SLC6A15: variants seen among roughly 807,000 people sequenced by gnomAD.
The protein encoded by SLC6A15 is sodium-dependent neutral amino acid transporter B(0)AT2.
A neutral mutation model predicts 68.5 loss-of-function variants in SLC6A15; 33 were observed. The observed-to-expected ratio is 0.48, with a 90% confidence interval of 0.37 to 0.64. SLC6A15 has a LOEUF of 0.64. Among genes scored for constraint, SLC6A15 ranks in the 30% least tolerant of loss-of-function variants. The probability of loss-of-function intolerance (pLI) is 0.00; values close to 1 mark genes in which losing one functional copy is unlikely to be tolerated. For missense variants in SLC6A15, 747 were observed against 874.3 expected, an observed-to-expected ratio of 0.85 and a Z score of 1.84; for synonymous variants, 347 against 301.0, an observed-to-expected ratio of 1.15 and a Z score of -1.58.
intron 5 of SLC6A15, chr12:84,883,372 T>C: frequency 1.0e-6 from 1 of 1,003,872 alleles, no homozygotes; most frequent in Non-Finnish European, 1.2e-6. Context: ...TACTTAATGA[T>C]GTTCAGAGCT....
In SLC6A15 at chr12:84,860,251, T is replaced by C. The variant is rs551087999; in HGVS notation, c.*1381A>G. 6.6e-6 allele frequency: 1 copy of C among 152,092 alleles called. No homozygotes were observed. The highest frequency in any genetic ancestry group is 2.1e-4 in the South Asian group (1 of 4,830). 9.4% of individuals were successfully genotyped at this position (152,092 alleles called of 1,614,324 possible). ...TCCATCATTGTTTTAAAAATGTAAC[T>C]GATCTGGTGGTAGGATAAATGAAAG... On this transcript the variant is annotated 3_prime_UTR_variant, in exon 12 of 12. Coordinates refer to ENST00000266682, the MANE Select transcript of SLC6A15 (RefSeq NM_182767.6).
At chr12:84,863,651 C>T (rs1870945898) in intron 10 of SLC6A15, 50 bp from the exon 11 acceptor site, 3 of 1,342,328 alleles carry the variant, frequency 2.2e-6, no homozygotes, top group South Asian at 1.8e-5. Context: ...TATTGCTAAA[C>T]CTTAAAAAAT....
intron 5 of SLC6A15, among the ~76,000 whole-genome samples, chr12:84,878,920 G>A (rs1260640666): frequency 6.6e-6 from 1 of 151,822 alleles, no homozygotes; most frequent in African/African-American, 2.4e-5. Context: ...GATTCTGTTA[G>A]CTTTCCTCTG....
chr12:84,877,648 T>C (rs1263414115), intron 5 of SLC6A15, among the ~76,000 whole-genome samples: 1 of 152,120 alleles, frequency 6.6e-6, no homozygotes, highest in African/African-American at 2.4e-5. Context: ...TTGCTCCTCC[T>C]TACTATTTTA....
Position 84,883,151 on chromosome 12 carries a change from GAAAA to G in SLC6A15, c.756+704_756+707del, listed in dbSNP as rs60034973. ...GCTTTAGAACAATGGCTGTGATAAT[GAAAA>G]AAAAAAAAAAAAAGTAATACGAAAG... is the stretch of plus-strand genomic sequence containing the variant. On this transcript the variant is annotated intron_variant, in intron 5 of 11. Coordinates refer to ENST00000266682, the MANE Select transcript of SLC6A15 (RefSeq NM_182767.6). The G allele has an allele frequency of 9.7e-3, 8,591 of 885,724 alleles. 357 individuals carry two copies. In the African/African-American group the frequency reaches 0.14, roughly 15 times the overall value. The allele number at this position is 885,724 out of a possible 1,614,324, so 54.9% of individuals were successfully genotyped here. A position where few individuals can be genotyped will look rare whatever the true frequency, so the allele number is the denominator to read the frequency against.
chr12:84,880,791 G>T, intron 5 of SLC6A15: 1 of 521,600 alleles, frequency 1.9e-6, no homozygotes, highest in Non-Finnish European at 2.5e-6. Flanking sequence ...TCAAAAGATT[G>T]TATAAAACAT....
chr12:84,868,317 T>G (rs911335553), intron 9 of SLC6A15, among the ~76,000 whole-genome samples: 10 of 152,344 alleles, frequency 6.6e-5, no homozygotes, highest in African/African-American at 2.2e-4. Flanking sequence ...TATTGCATTC[T>G]CTTACTTAAT....
chr12:84,890,144 T>C (rs1872321636), intron 2 of SLC6A15, among the ~76,000 whole-genome samples: 1 of 152,188 alleles, frequency 6.6e-6, no homozygotes, highest in African/African-American at 2.4e-5. Flanking sequence ...AATCGGTTGG[T>C]ATTTTATAAT....
At chr12:84,891,759 C>A (rs1872406353) in intron 2 of SLC6A15, 73 bp downstream of exon 2, 2 of 1,378,464 alleles carry the variant, frequency 1.5e-6, no homozygotes, top group South Asian at 1.4e-5. Flanking sequence ...TGAGAAACAG[C>A]AATAATAGGA....
At chr12:84,908,229 A>T (rs1391252447) in intron 1 of SLC6A15, among the ~76,000 whole-genome samples, 1 of 152,110 alleles carries the variant, frequency 6.6e-6, no homozygotes, top group Admixed American at 6.5e-5. Flanking sequence ...TTTCTTACCA[A>T]CTACATGGGA....
At chr12:84,905,152 C>T (rs892494821) in intron 1 of SLC6A15, among the ~76,000 whole-genome samples, 10 of 151,998 alleles carry the variant, frequency 6.6e-5, no homozygotes, top group African/African-American at 2.2e-4. Flanking sequence ...TGAATATAGA[C>T]ACAAAATTCC....
At chr12:84,877,030 C>G (rs765722082) in intron 5 of SLC6A15, among the ~76,000 whole-genome samples, 1 of 152,142 alleles carries the variant, frequency 6.6e-6, no homozygotes, top group African/African-American at 2.4e-5. Flanking sequence ...TTCTGTAAAG[C>G]TTTCAATGCA....
intron 2 of SLC6A15, among the ~76,000 whole-genome samples, chr12:84,887,548 T>G (rs1231112280): frequency 2.0e-5 from 3 of 152,226 alleles, no homozygotes; most frequent in Non-Finnish European, 4.4e-5. Context: ...ATGTAAAAAT[T>G]GGATGCATGA....
intron 4 of SLC6A15, among the ~76,000 whole-genome samples, chr12:84,885,197 C>T (rs960718109): frequency 6.6e-6 from 1 of 152,068 alleles, no homozygotes; most frequent in Non-Finnish European, 1.5e-5. Flanking sequence ...GCTTATAATA[C>T]TTTACCCTAA....
chr12:84,867,232 C>A, intron 9 of SLC6A15, 39 bp from the exon 10 acceptor site: 1 of 1,508,942 alleles, frequency 6.6e-7, no homozygotes, highest in South Asian at 1.3e-5. Flanking sequence ...AGACTCTATT[C>A]AGAGACAAGG....
intron 1 of SLC6A15, among the ~76,000 whole-genome samples, chr12:84,908,161 T>G (rs2120745721): frequency 6.6e-6 from 1 of 152,246 alleles, no homozygotes; most frequent in Non-Finnish European, 1.5e-5. Flanking sequence ...ATATAGTTAT[T>G]ACAAAATGTT....
At chr12:84,897,726 C>A (rs776932272) in intron 1 of SLC6A15, among the ~76,000 whole-genome samples, 6 of 151,976 alleles carry the variant, frequency 3.9e-5, no homozygotes, top group African/African-American at 2.4e-5. Context: ...AAGCCACAGG[C>A]AAATATTCCT....
rs1871372969 is a variant in SLC6A15, at chr12:84,873,332, T to C, written c.868-4A>G. ...TGGGCTCCAGCATTATTTCAAGCTG[T>C]TTAAAAATAAACATAATAGAATCAG... On this transcript the variant is annotated splice_region_variant and splice_polypyrimidine_tract_variant and intron_variant, in intron 6 of 11. Coordinates refer to ENST00000266682, the MANE Select transcript of SLC6A15 (RefSeq NM_182767.6). 1.9e-6 allele frequency: 3 copies of C among 1,611,506 alleles called. No homozygotes were observed. The highest frequency in any genetic ancestry group is 2.5e-6 in the Non-Finnish European group (3 of 1,179,192).
In SLC6A15 at chr12:84,886,045, T is replaced by C. The variant is rs1355902740; in HGVS notation, c.313A>G (p.Ile105Val). 6.3e-7 allele frequency: 1 copy of C among 1,599,122 alleles called. No individual in the cohort carries two copies. Among genetic ancestry groups the C allele is most frequent in the Admixed American group, 1.7e-5 (1 of 58,752 alleles). The change falls in exon 3 of 12, where the codon ATA becomes GTA. Residue 105 changes from isoleucine (I) to valine (V), a missense_variant. Physicochemically the swap from Ile to Val is conservative, Grantham distance 29 (BLOSUM62 3). Transcript: ENST00000266682. Reference sequence around the variant, plus strand: ...GGAATACCTATTACCATAAGTAGTATTAAATATGGTAAAAGATATGCACCT... The same window carrying C: ...GGAATACCTATTACCATAAGTAGTACTAAATATGGTAAAAGATATGCACCT... Reference protein sequence around the residue: ...GGGAYLLPYLILLMVIGIPLF... With the variant: ...GGGAYLLPYLVLLMVIGIPLF...
Sources: gnomAD v4.1 joint callset for allele counts (sites outside exome capture counted in the v4.1 genomes callset) on GRCh38, gnomAD v4.1.1 for gene constraint, MANE v1.5 for transcripts, NCBI Gene and HGNC (gene_info 2026-07-23, HGNC 2026-07-21) for gene names.